SLC39A6: variants seen among roughly 807,000 people sequenced by gnomAD.
SLC39A6 encodes the protein zinc transporter ZIP6.
In SLC39A6, 51 loss-of-function variants were observed where a neutral mutation model predicts 63.5. The observed-to-expected ratio is 0.80, with a 90% CI of 0.64 to 1.01. The LOEUF is 1.01. Among genes scored for constraint, SLC39A6 ranks in the 50% least tolerant of loss-of-function variants. SLC39A6 has a pLI of 0.00. For synonymous variants in SLC39A6, 318 were observed against 324.7 expected, an observed-to-expected ratio of 0.98 and a Z score of 0.22; for missense variants, 805 against 927.8, an observed-to-expected ratio of 0.87 and a Z score of 1.72.
intron 5 of SLC39A6, among the ~76,000 whole-genome samples, chr18:36,118,772 GC>G (rs2089368279): frequency 1.3e-5 from 2 of 152,186 alleles, no homozygotes; most frequent in African/African-American, 4.8e-5. Flanking sequence ...ACAAATCACT[GC>G]CCGCTCTGTG....
chr18:36,116,612 T>C lies in SLC39A6; in HGVS notation c.1465+62A>G, dbSNP rs999752872. On this transcript the variant is annotated intron_variant, in intron 6 of 9. Transcript: ENST00000269187. ...TCCCATTTCTTCCAGATAGTCAAGT[T>C]GCCTGCAAATCATACAGCAATGAAC... 3 of 1,139,694 alleles carry C rather than the reference T, an allele frequency of 2.6e-6. No individual in the cohort carries two copies. In the African/African-American group the frequency reaches 4.6e-5, roughly 18 times the overall value. 70.6% of individuals were successfully genotyped at this position (1,139,694 alleles called of 1,614,324 possible).
At chr18:36,112,014 C>T (rs2089305112) in intron 8 of SLC39A6, among the ~76,000 whole-genome samples, 1 of 152,104 alleles carries the variant, frequency 6.6e-6, no homozygotes, top group African/African-American at 2.4e-5. Context: ...AAAAGAGACA[C>T]ATGAAGATGG....
At chr18:36,112,306 G>A (rs1226576459) in intron 8 of SLC39A6, among the ~76,000 whole-genome samples, 195 bp downstream of exon 8, 1 of 152,228 alleles carries the variant, frequency 6.6e-6, no homozygotes, top group African/African-American at 2.4e-5. Context: ...AATGGAAGAT[G>A]ATTCCTTTGT....
At position 36,121,207 on chromosome 18, in the gene SLC39A6, A is replaced by G. The variant is rs1458590261; in HGVS notation, c.1359+845T>C. ...AGAGTCTCACTATTGCCCAGGCTGG[A>G]GTGCAGTGGTATAATCTCAGCTCAC... On this transcript the variant is annotated intron_variant, in intron 5 of 9. Coordinates refer to ENST00000269187, the MANE Select transcript of SLC39A6 (RefSeq NM_012319.4). 2.0e-5 allele frequency among the ~76,000 whole-genome samples: 3 copies of G among 150,824 alleles called. No individual in the cohort carries two copies. In the East Asian group the frequency reaches 5.9e-4, roughly 29 times the overall value.
chr18:36,126,116 C>A, intron 2 of SLC39A6, 103 bp downstream of exon 2: 5 of 1,173,918 alleles, frequency 4.3e-6, no homozygotes, highest in Non-Finnish European at 6.0e-6. Context: ...TCAATAACTT[C>A]AACATTTTAC....
At chr18:36,120,750 C>T (rs933150660) in intron 5 of SLC39A6, among the ~76,000 whole-genome samples, 5 of 152,140 alleles carry the variant, frequency 3.3e-5, no homozygotes, top group Non-Finnish European at 7.4e-5. Flanking sequence ...GCTTCAGCCT[C>T]CCAAAGTGCT....
intron 1 of SLC39A6, among the ~76,000 whole-genome samples, chr18:36,128,378 T>C (rs1021062451): frequency 6.6e-6 from 1 of 152,056 alleles, no homozygotes; most frequent in African/African-American, 2.4e-5. Flanking sequence ...AAAATACCGG[T>C]AAAACCTATT....
In SLC39A6 at chr18:36,108,589, C is replaced by G. The variant is rs1392057065; in HGVS notation, c.*1004G>C. ...AGAAACATCTAGAGAATGCCACAGA[C>G]AGGCCTAGTATGGCTACAGTACCGT... is the stretch of plus-strand genomic sequence containing the variant. On this transcript the variant is annotated 3_prime_UTR_variant, in exon 10 of 10. Coordinates refer to ENST00000269187, the MANE Select transcript of SLC39A6 (RefSeq NM_012319.4). 1 of 152,162 alleles carries G rather than the reference C, an allele frequency of 6.6e-6. No individual in the cohort carries two copies. The highest frequency in any genetic ancestry group is 2.4e-5 in the African/African-American group (1 of 41,434). 9.4% of individuals were successfully genotyped at this position (152,162 alleles called of 1,614,324 possible). A position where few individuals can be genotyped will look rare whatever the true frequency, so the allele number is the denominator to read the frequency against.
chr18:36,117,250 A>G (rs2089353496), intron 5 of SLC39A6, among the ~76,000 whole-genome samples: 2 of 152,108 alleles, frequency 1.3e-5, no homozygotes, highest in Non-Finnish European at 2.9e-5. Context: ...AAACAACAAA[A>G]AAATCCAGCT....
intron 9 of SLC39A6, among the ~76,000 whole-genome samples, chr18:36,110,346 A>G (rs2089290895): frequency 6.6e-6 from 1 of 151,626 alleles, no homozygotes; most frequent in Non-Finnish European, 1.5e-5. Context: ...GATTACTGAG[A>G]TCATACCCTA....
chr18:36,127,118 G>T, intron 1 of SLC39A6, 102 bp from the exon 2 acceptor site: 1 of 1,057,558 alleles, frequency 9.5e-7, no homozygotes, highest in Non-Finnish European at 1.3e-6. Context: ...AATCAAAGTT[G>T]CCAGAGCATC....
At chr18:36,123,464 A>C in intron 4 of SLC39A6, 31 bp downstream of exon 4, 3 of 1,537,440 alleles carry the variant, frequency 2.0e-6, no homozygotes, top group Non-Finnish European at 2.6e-6. Flanking sequence ...TTGAATAATC[A>C]AACACTAACA....
At chr18:36,125,596 C>CTT (rs59134445) in intron 2 of SLC39A6, among the ~76,000 whole-genome samples, 3 of 148,128 alleles carry the variant, frequency 2.0e-5, no homozygotes, top group African/African-American at 4.9e-5. Flanking sequence ...TTCCTTGTTC[C>CTT]TTTTTTTTTT....
intron 2 of SLC39A6, among the ~76,000 whole-genome samples, chr18:36,124,966 A>G (rs2089424325): frequency 1.3e-5 from 2 of 152,172 alleles, no homozygotes; most frequent in Admixed American, 1.3e-4. Flanking sequence ...AACAAGCATG[A>G]GGATAAATGG....
chr18:36,111,832 T>C (rs1342773614), intron 8 of SLC39A6, among the ~76,000 whole-genome samples: 1 of 152,206 alleles, frequency 6.6e-6, no homozygotes, highest in African/African-American at 2.4e-5. Context: ...TTTGTCAAAA[T>C]GATAAACACT....
intron 5 of SLC39A6, 47 bp from the exon 6 acceptor site, chr18:36,116,826 T>C (rs545864771): frequency 4.9e-5 from 66 of 1,344,608 alleles, no homozygotes; most frequent in Non-Finnish European, 6.8e-5. Flanking sequence ...AATTTGTTTA[T>C]ATGTACAGCT....
At chr18:36,124,827 G>T in intron 2 of SLC39A6, 127 bp from the exon 3 acceptor site, 1 of 761,342 alleles carries the variant, frequency 1.3e-6, no homozygotes, top group Non-Finnish European at 1.9e-6. Flanking sequence ...ATCAACTTCT[G>T]TTTTGAGCAC....
At position 36,114,198 on chromosome 18, in the gene SLC39A6, C is replaced by A. The variant is rs373442145; in HGVS notation, c.1742G>T (p.Arg581Leu). ...QNHHPHSHSQ[R>L]YSREELKDAG... Reference sequence around the variant, plus strand: ...ATCTTTCAGCTCCTCCCGAGAGTAGCGCTGGCTGTGACTGTGAGGATGGTG... The same window carrying A: ...ATCTTTCAGCTCCTCCCGAGAGTAGAGCTGGCTGTGACTGTGAGGATGGTG... The change falls in exon 7 of 10, where the codon CGC becomes CTC. Residue 581 changes from arginine (R) to leucine (L), a missense_variant. Arg to Leu is a moderately radical substitution (Grantham distance 102, BLOSUM62 -2). Around this residue, in one of 4 missense-constraint regions of SLC39A6, gnomAD observed 145 missense variants for 227.2 expected, o/e 0.64. Transcript: ENST00000269187. The A allele has an allele frequency of 1.9e-6, 3 of 1,614,074 alleles. No individual in the cohort carries two copies. The South Asian group carries it at 3.3e-5, about 18-fold the overall frequency.
Position 36,126,124 on chromosome 18 carries a change from T to C in SLC39A6, c.789+95A>G. On this transcript the variant is annotated intron_variant, in intron 2 of 9. Transcript: ENST00000269187. ...TCCCTTTTCAATAACTTCAACATTTTACTTTTACTTTAAACTCCTCATAAC... is the reference window on the plus strand; with the variant it reads ...TCCCTTTTCAATAACTTCAACATTTCACTTTTACTTTAAACTCCTCATAAC... The C allele has an allele frequency of 3.3e-6, 4 of 1,221,682 alleles. No homozygotes were observed. The South Asian group carries it at 5.8e-5, about 18-fold the overall frequency. 75.7% of individuals were successfully genotyped at this position (1,221,682 alleles called of 1,614,324 possible).
Sources: allele counts gnomAD v4.1 joint callset (sites outside exome capture counted in the v4.1 genomes callset), GRCh38; gene constraint gnomAD v4.1.1; regional missense constraint gnomAD v4.1.1; transcripts MANE v1.5; gene names NCBI Gene and HGNC (gene_info 2026-07-23, HGNC 2026-07-21).